SEMA3A: variants seen among roughly 807,000 people sequenced by gnomAD.
SEMA3A encodes semaphorin 3A, also known as semaphorin-3A.
In SEMA3A, 29 loss-of-function variants were observed where a neutral mutation model predicts 97.9. The ratio of observed to expected loss-of-function variants is 0.30; its 90% CI spans 0.22 to 0.40. The LOEUF is 0.40. Ranked by LOEUF, SEMA3A falls within the 10% of genes least tolerant of loss-of-function variation. The probability of loss-of-function intolerance (pLI) is 1.00; values close to 1 mark genes in which losing one functional copy is unlikely to be tolerated. For synonymous variants in SEMA3A, 321 were observed against 323.7 expected, an observed-to-expected ratio of 0.99 and a Z score of 0.09; for missense variants, 763 against 951.3, an observed-to-expected ratio of 0.80 and a Z score of 2.60.
At chr7:84,128,202 G>T (rs1795858967) in intron 3 of SEMA3A, among the ~76,000 whole-genome samples, 1 of 151,756 alleles carries the variant, frequency 6.6e-6, no homozygotes, top group African/African-American at 2.4e-5. Context: ...AATTCCTATT[G>T]CATGGTCCTT....
intron 3 of SEMA3A, among the ~76,000 whole-genome samples, chr7:84,281,964 A>G (rs1212665018): frequency 2.0e-5 from 3 of 152,190 alleles, no homozygotes; most frequent in African/African-American, 7.2e-5. Context: ...AGAAGAACAC[A>G]GAAATTGCCA....
intron 1 of SEMA3A, among the ~76,000 whole-genome samples, chr7:84,476,225 G>C (rs934929664): frequency 5.3e-5 from 8 of 151,798 alleles, no homozygotes; most frequent in African/African-American, 1.9e-4. Context: ...AGGCGTGGTG[G>C]CGTGCACCTG....
At chr7:84,431,405 C>T (rs961216212) in intron 1 of SEMA3A, among the ~76,000 whole-genome samples, 2 of 151,862 alleles carry the variant, frequency 1.3e-5, no homozygotes, top group African/African-American at 2.4e-5. Flanking sequence ...AGTCTATTAG[C>T]CTTTTAAAGC....
At chr7:84,206,318 G>C (rs1456603141) in intron 3 of SEMA3A, among the ~76,000 whole-genome samples, 1 of 146,546 alleles carries the variant, frequency 6.8e-6, no homozygotes, top group Admixed American at 6.9e-5. Flanking sequence ...AACCAAGATG[G>C]CATTTTTTTT....
At chr7:83,984,846 A>C (rs923009839) in intron 13 of SEMA3A, among the ~76,000 whole-genome samples, 4 of 151,918 alleles carry the variant, frequency 2.6e-5, no homozygotes, top group Non-Finnish European at 4.4e-5. Context: ...TTTAGTACTT[A>C]TTTGGCAGTG....
chr7:84,064,241 G>T (rs1369490044), intron 4 of SEMA3A, among the ~76,000 whole-genome samples: 1 of 151,982 alleles, frequency 6.6e-6, no homozygotes, highest in Admixed American at 6.6e-5. Flanking sequence ...TCACCACCAG[G>T]CCTGCCCTAA....
intron 4 of SEMA3A, among the ~76,000 whole-genome samples, chr7:84,106,521 C>T (rs541091004): frequency 5.9e-5 from 9 of 152,202 alleles, no homozygotes; most frequent in African/African-American, 1.7e-4. Context: ...TGCTGTTAAA[C>T]AACGCATGAC....
rs950895468 is a variant in SEMA3A at position 84,222,402 on chromosome 7, TAAG to T, written c.-82-27737_-82-27735del. 1.4e-4 allele frequency among the ~76,000 whole-genome samples: 21 copies of T among 151,828 alleles called. No individual in the cohort carries two copies. In the South Asian group the frequency reaches 3.7e-3, roughly 27 times the overall value. On this transcript the variant is annotated intron_variant, in intron 3 of 3. Coordinates refer to the SEMA3A transcript ENST00000424555. The stretch of plus-strand genomic sequence containing the variant: ...TTTCTCAAACACATTAAAATAATAA[TAAG>T]GAGTATAGGACAAGCAGGAATAGCT...
At chr7:84,428,779 C>G (rs1804892285) in intron 1 of SEMA3A, among the ~76,000 whole-genome samples, 1 of 151,836 alleles carries the variant, frequency 6.6e-6, no homozygotes, top group South Asian at 2.1e-4. Flanking sequence ...GATACTGTCC[C>G]TATAAACAAT....
intron 2 of SEMA3A, among the ~76,000 whole-genome samples, chr7:84,342,641 T>G (rs540498293): frequency 6.6e-6 from 1 of 152,332 alleles, no homozygotes; most frequent in African/African-American, 2.4e-5. Flanking sequence ...ATTGTAAATT[T>G]TCCACATCTC....
intron 3 of SEMA3A, among the ~76,000 whole-genome samples, chr7:84,273,514 G>A (rs902977251): frequency 2.6e-5 from 4 of 152,166 alleles, no homozygotes; most frequent in Non-Finnish European, 4.4e-5. Flanking sequence ...GAGCACACAC[G>A]TTTTCCTACG....
chr7:84,137,372 G>A (rs34805696), intron 1 of SEMA3A, among the ~76,000 whole-genome samples: 23,096 of 144,392 alleles, frequency 0.16, 2,245 homozygotes, highest in South Asian at 0.27. Context: ...CTGCACTCCA[G>A]CCTGGGTGAC....
At chr7:84,057,943 T>G (rs1401435634) in intron 5 of SEMA3A, among the ~76,000 whole-genome samples, 1 of 152,152 alleles carries the variant, frequency 6.6e-6, no homozygotes, top group African/African-American at 2.4e-5. Flanking sequence ...GAATCCATAT[T>G]CTCAATAGTC....
intron 3 of SEMA3A, among the ~76,000 whole-genome samples, chr7:84,204,536 C>T (rs1253223646): frequency 6.6e-6 from 1 of 152,090 alleles, no homozygotes; most frequent in Non-Finnish European, 1.5e-5. Flanking sequence ...AAATTAGTGA[C>T]TCCGAAATGC....
chr7:84,336,091 T>C (rs991034481), intron 2 of SEMA3A, among the ~76,000 whole-genome samples: 1 of 152,094 alleles, frequency 6.6e-6, no homozygotes, highest in African/African-American at 2.4e-5. Flanking sequence ...CTTTAAAAAA[T>C]ATCAGAGCAC....
At chr7:83,963,082 T>G in intron 16 of SEMA3A, 123 bp downstream of exon 16, 1 of 1,000,144 alleles carries the variant, frequency 1.0e-6, no homozygotes, top group African/African-American at 1.6e-5. Context: ...GAATGAGCGA[T>G]TGATTGGTTC....
intron 5 of SEMA3A, among the ~76,000 whole-genome samples, chr7:84,054,413 T>C (rs1182819442): frequency 6.6e-6 from 1 of 152,132 alleles, no homozygotes; most frequent in East Asian, 1.9e-4. Context: ...TGCTCATTTC[T>C]TTTTATTCTT....
intron 1 of SEMA3A, among the ~76,000 whole-genome samples, chr7:84,424,256 C>A (rs907344138): frequency 4.1e-5 from 6 of 147,530 alleles, no homozygotes; most frequent in African/African-American, 1.5e-4. Flanking sequence ...ACCCACTGAC[C>A]AATGAGTGGA....
chr7:84,064,099 A>G (rs1397380589), intron 4 of SEMA3A, among the ~76,000 whole-genome samples: 2 of 152,114 alleles, frequency 1.3e-5, no homozygotes, highest in Non-Finnish European at 2.9e-5. Context: ...GCCAGAAGAG[A>G]GGGGGGGCCA....
Sources: gnomAD v4.1 joint callset for allele counts (sites outside exome capture counted in the v4.1 genomes callset) on GRCh38, gnomAD v4.1.1 for gene constraint, MANE v1.5 for transcripts, NCBI Gene and HGNC (gene_info 2026-07-23, HGNC 2026-07-21) for gene names.